NCKAP1: variants seen among roughly 807,000 people sequenced by gnomAD.
The protein encoded by NCKAP1 is nck-associated protein 1.
A neutral mutation model predicts 151.2 loss-of-function variants in NCKAP1; 21 were observed. The ratio of observed to expected loss-of-function variants is 0.14; its 90% CI spans 0.10 to 0.20. The LOEUF (loss-of-function observed/expected upper bound fraction) is 0.20, where lower values mean the gene tolerates loss of function less well. Ranked by LOEUF, NCKAP1 falls within the 10% of genes least tolerant of loss-of-function variation. The pLI, the probability that NCKAP1 is intolerant of heterozygous loss-of-function variation, is 1.00. For synonymous variants in NCKAP1, 484 were observed against 451.8 expected (o/e 1.07, Z -0.90); for missense variants, 933 against 1,352.1 (o/e 0.69, Z 4.86).
intron 17 of NCKAP1, 36 bp downstream of exon 17, chr2:182,964,640 C>T (rs911206953): frequency 3.4e-6 from 5 of 1,485,034 alleles, no homozygotes; most frequent in African/African-American, 1.4e-5. Context: ...GTTTACTTTG[C>T]ATACCATATA....
intron 13 of NCKAP1, among the ~76,000 whole-genome samples, chr2:182,979,382 T>C (rs937246391): frequency 6.6e-6 from 1 of 152,126 alleles, no homozygotes; most frequent in Non-Finnish European, 1.5e-5. Flanking sequence ...TGATTTTTGT[T>C]GTCTGTATGT....
intron 23 of NCKAP1, among the ~76,000 whole-genome samples, chr2:182,946,388 G>A (rs1200295954): frequency 2.0e-5 from 3 of 150,878 alleles, no homozygotes; most frequent in Admixed American, 6.6e-5. Flanking sequence ...GCGACAGAGC[G>A]AGACTCTGTT....
At chr2:183,025,280 A>G (rs2105895404) in intron 1 of NCKAP1, among the ~76,000 whole-genome samples, 1 of 152,340 alleles carries the variant, frequency 6.6e-6, no homozygotes, top group East Asian at 1.9e-4. Flanking sequence ...TACTAGAAAG[A>G]AGGAAAATAA....
Position 182,918,430 on chromosome 2 carries a change from A to T in NCKAP1, c.*7272T>A, listed in dbSNP as rs907332400. 7.9e-5 allele frequency: 12 copies of T among 152,164 alleles called. No homozygotes were observed. The highest frequency in any genetic ancestry group is 2.9e-4 in the African/African-American group (12 of 41,442). 9.4% of individuals were successfully genotyped at this position (152,164 alleles called of 1,614,324 possible). ...TCATAACTGCAAAGATATGGAACCAACCTAAGTGCCCACTGACCAATGAGT... is the reference window on the plus strand; with the variant it reads ...TCATAACTGCAAAGATATGGAACCATCCTAAGTGCCCACTGACCAATGAGT... On this transcript the variant is annotated 3_prime_UTR_variant, in exon 31 of 31. Transcript: ENST00000361354.
At chr2:183,022,328 CTT>C (rs1233424701) in intron 2 of NCKAP1, among the ~76,000 whole-genome samples, 1 of 152,152 alleles carries the variant, frequency 6.6e-6, no homozygotes, top group Admixed American at 6.5e-5. Flanking sequence ...CAAAATCTCT[CTT>C]TTAGAGTGAG....
intron 20 of NCKAP1, among the ~76,000 whole-genome samples, chr2:182,955,942 G>A (rs1296696427): frequency 6.6e-6 from 1 of 152,172 alleles, no homozygotes; most frequent in Non-Finnish European, 1.5e-5. Flanking sequence ...ATGACTCAGA[G>A]ATATTAACTG....
chr2:183,031,032 C>G (rs1369064514), intron 1 of NCKAP1, among the ~76,000 whole-genome samples: 1 of 152,222 alleles, frequency 6.6e-6, no homozygotes, highest in South Asian at 2.1e-4. Context: ...GGCTTGATAA[C>G]AAAGTATACT....
chr2:182,989,111 C>G lies in NCKAP1; in HGVS notation c.866G>C (p.Ser289Thr). The G allele has an allele frequency of 6.2e-7, 1 of 1,613,678 alleles. No individual in the cohort carries two copies. Among genetic ancestry groups the G allele is most frequent in the Non-Finnish European group, 8.5e-7 (1 of 1,179,602 alleles). ...ALNLWKLALQ[S>T]SSCLSLFRDE... ...CCGAAAGAGAGAGAGGCAAGAGCTA[C>G]TTTGAAGAGCTAGTTTCCAAAGGTT... is the stretch of plus-strand genomic sequence containing the variant. Residue 289 changes from serine to threonine, a missense_variant, in exon 9 of 31, where the codon AGT (serine) becomes ACT (threonine). Coordinates refer to ENST00000361354, the MANE Select transcript of NCKAP1 (RefSeq NM_013436.5).
Position 182,949,633 on chromosome 2 carries a change from C to T in NCKAP1, c.2601+2772G>A, listed in dbSNP as rs547352292. On this transcript the variant is annotated intron_variant, in intron 23 of 30. Coordinates refer to ENST00000361354, the MANE Select transcript of NCKAP1 (RefSeq NM_013436.5). The stretch of plus-strand genomic sequence containing the variant: ...CTTGGGCAATATGGCGAAACCCTGT[C>T]TCTACAAAAAATTAGCCGTACTTGC... 5.2e-4 allele frequency among the ~76,000 whole-genome samples: 79 copies of T among 152,178 alleles called. 1 individual carries two copies. In the South Asian group the frequency reaches 9.5e-3, roughly 18 times the overall value.
intron 9 of NCKAP1, among the ~76,000 whole-genome samples, chr2:182,987,134 T>C (rs919617509): frequency 2.6e-5 from 4 of 151,942 alleles, no homozygotes; most frequent in Non-Finnish European, 4.4e-5. Context: ...CCTAACTACT[T>C]GGGAGGCTGA....
intron 26 of NCKAP1, among the ~76,000 whole-genome samples, chr2:182,931,536 A>C (rs752148742): frequency 2.0e-5 from 3 of 152,164 alleles, no homozygotes; most frequent in African/African-American, 4.8e-5. Context: ...AATAAATCAT[A>C]AACCTAAATG....
chr2:182,990,618 CTACTCAGTGTCTACTATATA>C (rs1698147980), intron 8 of NCKAP1, among the ~76,000 whole-genome samples: 1 of 152,150 alleles, frequency 6.6e-6, no homozygotes, highest in South Asian at 2.1e-4. Context: ...CACTGAACAT[CTACTCAGTGTCTACTATATA>C]TACAAGGTTC....
At chr2:182,930,520 G>A (rs1156933969) in intron 27 of NCKAP1, among the ~76,000 whole-genome samples, 175 bp downstream of exon 27, 1 of 151,946 alleles carries the variant, frequency 6.6e-6, no homozygotes, top group East Asian at 1.9e-4. Flanking sequence ...GTTCCAGAAG[G>A]GTGATGTTTG....
chr2:182,981,513 C>A, intron 12 of NCKAP1, 137 bp from the exon 13 acceptor site: 1 of 539,068 alleles, frequency 1.9e-6, no homozygotes, highest in Non-Finnish European at 3.1e-6. Flanking sequence ...TCAATTACTT[C>A]CTTTTTAAAT....
At position 182,919,460 on chromosome 2, in the gene NCKAP1, T is replaced by C. The variant is rs1031599254; in HGVS notation, c.*6242A>G. 2 of 152,240 alleles carry C rather than the reference T, an allele frequency of 1.3e-5. No homozygotes were observed. Among genetic ancestry groups the C allele is most frequent in the African/African-American group, 4.8e-5 (2 of 41,464 alleles). 9.4% of individuals were successfully genotyped at this position (152,240 alleles called of 1,614,324 possible). ...AATCTGCATGCAATCAATGACCATG[T>C]GACTAACGTAAGTTATGGTCATACC... is the stretch of plus-strand genomic sequence containing the variant. On this transcript the variant is annotated 3_prime_UTR_variant, in exon 31 of 31. Coordinates refer to ENST00000361354, the MANE Select transcript of NCKAP1 (RefSeq NM_013436.5).
At chr2:183,022,203 C>G (rs1259211716) in intron 2 of NCKAP1, among the ~76,000 whole-genome samples, 1 of 152,132 alleles carries the variant, frequency 6.6e-6, no homozygotes, top group Non-Finnish European at 1.5e-5. Flanking sequence ...AGTTTACACA[C>G]AAACACATGT....
At chr2:182,928,964 C>T in intron 27 of NCKAP1, 65 bp from the exon 28 acceptor site, 1 of 991,110 alleles carries the variant, frequency 1.0e-6, no homozygotes, top group Non-Finnish European at 1.5e-6. Flanking sequence ...ATTTGATAAT[C>T]TAAACTAAAC....
At chr2:182,938,151 T>A (rs1696919458) in intron 24 of NCKAP1, among the ~76,000 whole-genome samples, 1 of 152,194 alleles carries the variant, frequency 6.6e-6, no homozygotes, top group South Asian at 2.1e-4. Context: ...TGGGTTATAC[T>A]TTGAGAAGCC....
intron 2 of NCKAP1, among the ~76,000 whole-genome samples, chr2:183,005,173 T>G (rs1698447012): frequency 6.6e-6 from 1 of 152,222 alleles, no homozygotes; most frequent in Admixed American, 6.5e-5. Flanking sequence ...TTCAGTACTT[T>G]AAACTTGAGT....
Sources: allele counts gnomAD v4.1 joint callset (sites outside exome capture counted in the v4.1 genomes callset), GRCh38; gene constraint gnomAD v4.1.1; transcripts MANE v1.5; gene names NCBI Gene and HGNC (gene_info 2026-07-23, HGNC 2026-07-21).